The following A2M variants were observed in gnomAD, a reference collection of about 807,000 sequenced individuals.
A2M encodes the protein alpha-2-macroglobulin, also known as C3 and PZP-like alpha-2-macroglobulin domain-containing protein 5.
A neutral mutation model predicts 183.9 loss-of-function variants in A2M; 128 were observed. The observed-to-expected ratio is 0.70, with a 90% CI of 0.60 to 0.81. The LOEUF (loss-of-function observed/expected upper bound fraction) is 0.81, where lower values mean the gene tolerates loss of function less well. Among genes scored for constraint, A2M ranks in the 30% least tolerant of loss-of-function variants. The pLI, the probability that A2M is intolerant of heterozygous loss-of-function variation, is 0.00. For synonymous variants in A2M, 592 were observed against 670.8 expected (o/e 0.88, Z 1.81); for missense variants, 1,495 against 1,787.6 (o/e 0.84, Z 2.95).
At chr12:9,113,259 C>T in intron 2 of A2M, 101 bp downstream of exon 2, 1 of 1,251,898 alleles carries the variant, frequency 8.0e-7, no homozygotes, top group South Asian at 1.5e-5. Context: ...TTCCTTCCTG[C>T]AGTTCTTACC....
chr12:9,077,227 G>A lies in A2M; in HGVS notation c.3351+119C>T, dbSNP rs182544144. 5.5e-3 allele frequency: 5,473 copies of A among 987,332 alleles called. 28 individuals are homozygous for A. The highest frequency in any genetic ancestry group is 6.6e-3 in the Non-Finnish European group (4,409 of 667,278). 61.2% of individuals were successfully genotyped at this position (987,332 alleles called of 1,614,324 possible). ...TTCTCTGTAGATCTGGGAAGCACTGGCATTGCATAGAAAGAAAGCTGATGC... is the reference window on the plus strand; with the variant it reads ...TTCTCTGTAGATCTGGGAAGCACTGACATTGCATAGAAAGAAAGCTGATGC... On this transcript the variant is annotated intron_variant, in intron 27 of 35. Transcript: ENST00000318602.
At chr12:9,089,854 C>A (rs767179910) in intron 21 of A2M, 48 bp downstream of exon 21, 250 of 1,229,650 alleles carry the variant, frequency 2.0e-4, no homozygotes, top group Non-Finnish European at 2.7e-4. Context: ...ATATTACCCA[C>A]ATATATTATA....
intron 2 of A2M, among the ~76,000 whole-genome samples, chr12:9,112,882 A>G (rs1282735273): frequency 2.0e-5 from 3 of 152,206 alleles, no homozygotes; most frequent in Non-Finnish European, 4.4e-5. Flanking sequence ...GCTATGGAAA[A>G]AAACCCCGTA....
intron 10 of A2M, among the ~76,000 whole-genome samples, chr12:9,104,882 T>C (rs934701280): frequency 6.6e-6 from 1 of 152,312 alleles, no homozygotes; most frequent in East Asian, 1.9e-4. Flanking sequence ...GATTAGTGTC[T>C]GAAGTCTCAT....
intron 22 of A2M, among the ~76,000 whole-genome samples, chr12:9,084,273 A>G (rs1948990943): frequency 6.6e-6 from 1 of 152,220 alleles, no homozygotes; most frequent in Non-Finnish European, 1.5e-5. Flanking sequence ...TATAAGTAAT[A>G]TAGAGCCATA....
rs1041258149 is a variant in A2M at position 9,068,244 on chromosome 12, C to T, written c.4367-20G>A. On this transcript the variant is annotated intron_variant, in intron 34 of 35. Coordinates refer to ENST00000318602, the MANE Select transcript of A2M (RefSeq NM_000014.6). ...ACTCATCTGAAAAAAAAAAAACCAA[C>T]AAAAAACCAGAAATCATTACATGAA... The T allele has an allele frequency of 6.3e-7, 1 of 1,591,468 alleles. No individual in the cohort carries two copies. Among genetic ancestry groups the T allele is most frequent in the Non-Finnish European group, 8.5e-7 (1 of 1,174,644 alleles).
rs756443191 is a variant in A2M at position 9,098,702 on chromosome 12, G to A, written c.1756C>T (p.Arg586Ter). ...ACGGACTGAGGAGCCGCTGTGACTCGCAGGTGGGCGTGTGAGGCTGGGAGA... is the reference window on the plus strand; with the variant it reads ...ACGGACTGAGGAGCCGCTGTGACTCACAGGTGGGCGTGTGAGGCTGGGAGA... ...QSLPASHAHL[R>*]VTAAPQSVCA... Residue 586 changes from arginine to a stop codon, truncating the protein, a stop_gained, in exon 15 of 36, where the codon CGA becomes TGA. Transcript: ENST00000318602. LOFTEE classifies it high-confidence loss of function. The A allele has an allele frequency of 3.7e-6, 6 of 1,612,280 alleles. No individual in the cohort carries two copies. The African/African-American group carries it at 6.7e-5, about 18-fold the overall frequency.
chr12:9,068,673 A>G (rs776769138), intron 34 of A2M, 67 bp downstream of exon 34: 38 of 1,272,958 alleles, frequency 3.0e-5, no homozygotes, highest in Non-Finnish European at 4.0e-5. Context: ...ACCCCAACAC[A>G]TCTCCTAAAC....
At chr12:9,086,598 A>G (rs1305673866) in intron 22 of A2M, among the ~76,000 whole-genome samples, 2 of 152,252 alleles carry the variant, frequency 1.3e-5, no homozygotes, top group African/African-American at 4.8e-5. Context: ...ATGCTCTTTT[A>G]TGATAAAACT....
intron 4 of A2M, among the ~76,000 whole-genome samples, chr12:9,111,201 T>G (rs150034531): frequency 3.9e-5 from 6 of 152,228 alleles, no homozygotes; most frequent in Non-Finnish European, 8.8e-5. Flanking sequence ...TACCTTCTCA[T>G]GCGCTGTGTA....
Position 9,099,441 on chromosome 12 carries a change from A to G in A2M, c.1641T>C (p.Pro547=). Residue 547 remains proline, a synonymous_variant, in exon 14 of 36, where the codon CCT becomes CCC. Coordinates refer to ENST00000318602, the MANE Select transcript of A2M (RefSeq NM_000014.6). ...VARLLIYAVL[P]TGDVIGDSAK... ...CAGAATCCCCAATCACGTCCCCGGTAGGTAAAACAGCATAGATGAGCAACC... is the reference window on the plus strand; with the variant it reads ...CAGAATCCCCAATCACGTCCCCGGTGGGTAAAACAGCATAGATGAGCAACC... The G allele has an allele frequency of 1.2e-6, 2 of 1,601,246 alleles. No homozygotes were observed. Among genetic ancestry groups the G allele is most frequent in the Non-Finnish European group, 1.7e-6 (2 of 1,173,612 alleles).
At chr12:9,110,799 T>A (rs1244592098) in intron 4 of A2M, among the ~76,000 whole-genome samples, 1 of 152,134 alleles carries the variant, frequency 6.6e-6, no homozygotes, top group Non-Finnish European at 1.5e-5. Flanking sequence ...CAGATTAAAT[T>A]TTATAGAACT....
intron 11 of A2M, 134 bp downstream of exon 11, chr12:9,104,105 C>T (rs1195128467): frequency 1.1e-6 from 1 of 879,982 alleles, no homozygotes. Context: ...AAAAGTTAAC[C>T]TTCAATCGGT....
intron 33 of A2M, among the ~76,000 whole-genome samples, chr12:9,069,518 G>A (rs1948501545): frequency 6.6e-6 from 1 of 152,028 alleles, no homozygotes; most frequent in Non-Finnish European, 1.5e-5. Context: ...TCTTGCTTAT[G>A]GGATTTTAGG....
chr12:9,079,198 A>T (rs141863757), intron 25 of A2M, 46 bp downstream of exon 25: 1 of 1,468,460 alleles, frequency 6.8e-7, no homozygotes, highest in African/African-American at 1.4e-5. Context: ...TACATGTAAA[A>T]GAGCTGGCAC....
At chr12:9,109,476 C>T in intron 6 of A2M, 71 bp from the exon 7 acceptor site, 1 of 1,155,820 alleles carries the variant, frequency 8.7e-7, no homozygotes, top group East Asian at 2.4e-5. Context: ...TTCAGGTTCC[C>T]TGTAACAGTT....
At chr12:9,071,274 T>G (rs1948568731) in intron 31 of A2M, among the ~76,000 whole-genome samples, 1 of 152,156 alleles carries the variant, frequency 6.6e-6, no homozygotes, top group African/African-American at 2.4e-5. Context: ...TCTACATTAT[T>G]TACAAAAACA....
At chr12:9,074,053 A>G (rs562534484) in intron 29 of A2M, among the ~76,000 whole-genome samples, 1 of 148,746 alleles carries the variant, frequency 6.7e-6, no homozygotes, top group East Asian at 2.0e-4. Context: ...GCACCACTGC[A>G]TTCCAGCCTA....
At chr12:9,110,434 A>C in intron 4 of A2M, 100 bp from the exon 5 acceptor site, 1 of 627,130 alleles carries the variant, frequency 1.6e-6, no homozygotes, top group Non-Finnish European at 2.6e-6. Flanking sequence ...TAACAGGGTG[A>C]GTATAGTAAA....
Sources: gnomAD v4.1 joint callset for allele counts (sites outside exome capture counted in the v4.1 genomes callset) on GRCh38, gnomAD v4.1.1 for gene constraint, MANE v1.5 for transcripts, NCBI Gene and HGNC (gene_info 2026-07-23, HGNC 2026-07-21) for gene names.